Variants in SYT6 observed in about 807,000 individuals in gnomAD.
SYT6 encodes the protein synaptotagmin-6.
In SYT6, 24 loss-of-function variants were observed where a neutral mutation model predicts 38.4. That is an observed-to-expected ratio of 0.62 (90% CI 0.45 to 0.88). SYT6 has a LOEUF of 0.88. SYT6 is among the 40% of genes least tolerant of loss of function. The probability of loss-of-function intolerance (pLI) is 0.00; values close to 1 mark genes in which losing one functional copy is unlikely to be tolerated. For missense variants in SYT6, 611 were observed against 621.0 expected, an observed-to-expected ratio of 0.98 and a Z score of 0.17; for synonymous variants, 265 against 241.9, an observed-to-expected ratio of 1.10 and a Z score of -0.89.
At chr1:114,093,697 A>T in intron 7 of SYT6, 38 bp downstream of exon 7, 5 of 1,592,436 alleles carry the variant, frequency 3.1e-6, no homozygotes, top group Non-Finnish European at 4.3e-6. Flanking sequence ...AAAGGTAATA[A>T]GCAACCTAAC....
At chr1:114,152,784 C>G (rs1423756895) in intron 1 of SYT6, 1 of 152,208 alleles carries the variant, frequency 6.6e-6, no homozygotes, top group Non-Finnish European at 1.5e-5. Context: ...GCGAGCTCGA[C>G]TCAGCTCGGG....
chr1:114,124,412 C>T (rs538575560), intron 3 of SYT6, among the ~76,000 whole-genome samples: 4 of 152,036 alleles, frequency 2.6e-5, no homozygotes, highest in South Asian at 4.2e-4. Flanking sequence ...TAAAGAGGGA[C>T]GTGTGGTGGT....
intron 1 of SYT6, among the ~76,000 whole-genome samples, chr1:114,141,031 C>A (rs1678838900): frequency 6.6e-6 from 1 of 152,296 alleles, no homozygotes; most frequent in East Asian, 1.9e-4. Flanking sequence ...CCATTCCTCT[C>A]CTTAGGCCTC....
At chr1:114,149,512 G>A (rs978909431) in intron 1 of SYT6, among the ~76,000 whole-genome samples, 5 of 152,028 alleles carry the variant, frequency 3.3e-5, no homozygotes, top group East Asian at 3.9e-4. Context: ...AGCTAATTAC[G>A]GCCGCACCAA....
rs1675276843 is a variant in SYT6 at position 114,091,064 on chromosome 1, G to A, written c.*1070C>T. On this transcript the variant is annotated 3_prime_UTR_variant, in exon 8 of 8. Transcript: ENST00000610222. ...GAAAGATGGACTCAAACTGCTATTT[G>A]GATTTCAAAACTCCCCATTTGGAAA... The A allele has an allele frequency of 6.5e-6, 1 of 152,882 alleles. No homozygotes were observed. Among genetic ancestry groups the A allele is most frequent in the Non-Finnish European group, 1.5e-5 (1 of 67,998 alleles). The allele number at this position is 152,882 out of a possible 1,614,324, so 9.5% of individuals were successfully genotyped here.
chr1:114,102,431 T>C (rs921587371), intron 4 of SYT6, among the ~76,000 whole-genome samples: 3 of 152,144 alleles, frequency 2.0e-5, no homozygotes, highest in African/African-American at 7.2e-5. Context: ...CAAGGCCTGA[T>C]ACCTCCTCTT....
chr1:114,124,528 G>T (rs142600421), intron 3 of SYT6, among the ~76,000 whole-genome samples: 32 of 152,270 alleles, frequency 2.1e-4, no homozygotes, highest in African/African-American at 7.7e-4. Flanking sequence ...AGTCTGCTGT[G>T]CCACTGGGAA....
At chr1:114,134,029 A>T (rs1678332780) in intron 3 of SYT6, among the ~76,000 whole-genome samples, 2 of 152,028 alleles carry the variant, frequency 1.3e-5, no homozygotes, top group Admixed American at 1.3e-4. Flanking sequence ...GCCGAATCCG[A>T]CTCTCCTGCA....
At chr1:114,115,061 T>C (rs1676916284) in intron 3 of SYT6, among the ~76,000 whole-genome samples, 1 of 152,258 alleles carries the variant, frequency 6.6e-6, no homozygotes, top group Non-Finnish European at 1.5e-5. Context: ...CAAAGATATC[T>C]GACACCACTC....
intron 3 of SYT6, among the ~76,000 whole-genome samples, chr1:114,106,470 C>G (rs1315083670): frequency 6.6e-6 from 1 of 152,058 alleles, no homozygotes; most frequent in African/African-American, 2.4e-5. Flanking sequence ...TATATCCTTG[C>G]CACTGCTCAA....
intron 3 of SYT6, among the ~76,000 whole-genome samples, chr1:114,118,601 G>T (rs1024104579): frequency 6.6e-6 from 1 of 152,224 alleles, no homozygotes; most frequent in African/African-American, 2.4e-5. Context: ...CAGGCCCTCC[G>T]GCGGGGTGTC....
intron 4 of SYT6, among the ~76,000 whole-genome samples, chr1:114,100,663 C>T (rs1571821855): frequency 6.6e-6 from 1 of 152,320 alleles, no homozygotes. Context: ...TGAAAGGACC[C>T]TCTCTTAGGG....
At chr1:114,129,873 G>A (rs1405875549) in intron 3 of SYT6, among the ~76,000 whole-genome samples, 2 of 147,914 alleles carry the variant, frequency 1.4e-5, no homozygotes, top group Non-Finnish European at 3.0e-5. Context: ...TTGTAGAGAC[G>A]AGGTCTCCTT....
At chr1:114,120,751 T>C (rs1340320951) in intron 3 of SYT6, among the ~76,000 whole-genome samples, 2 of 152,202 alleles carry the variant, frequency 1.3e-5, no homozygotes, top group Non-Finnish European at 2.9e-5. Context: ...CAGTGGTATA[T>C]AAAGGCAAGG....
At chr1:114,092,334 C>CTGTG (rs1234407547) in intron 7 of SYT6, among the ~76,000 whole-genome samples, 9 of 138,398 alleles carry the variant, frequency 6.5e-5, no homozygotes, top group Admixed American at 3.3e-4. Flanking sequence ...CTCTCTCTCT[C>CTGTG]TCTCTGTGTG....
At chr1:114,150,923 A>G (rs991674743) in intron 1 of SYT6, among the ~76,000 whole-genome samples, 11 of 152,236 alleles carry the variant, frequency 7.2e-5, no homozygotes, top group African/African-American at 2.7e-4. Context: ...ATGACAGTGG[A>G]GTCTGAATCT....
intron 7 of SYT6, among the ~76,000 whole-genome samples, chr1:114,093,434 C>T (rs771325776): frequency 3.9e-4 from 60 of 152,168 alleles, no homozygotes; most frequent in South Asian, 4.1e-4. Flanking sequence ...AATCAGGTAC[C>T]GATGACCACC....
At chr1:114,112,665 C>T (rs531621974) in intron 3 of SYT6, among the ~76,000 whole-genome samples, 32 of 152,350 alleles carry the variant, frequency 2.1e-4, no homozygotes, top group Non-Finnish European at 3.8e-4. Flanking sequence ...GTGCTTGTGC[C>T]TGAGAGCCCA....
intron 3 of SYT6, among the ~76,000 whole-genome samples, chr1:114,125,870 G>A (rs1677696966): frequency 6.6e-6 from 1 of 152,042 alleles, no homozygotes; most frequent in African/African-American, 2.4e-5. Flanking sequence ...GCCTATTTCT[G>A]GTCTTAGATC....
Sources: allele counts gnomAD v4.1 joint callset (sites outside exome capture counted in the v4.1 genomes callset), GRCh38; gene constraint gnomAD v4.1.1; transcripts MANE v1.5; gene names NCBI Gene and HGNC (gene_info 2026-07-23, HGNC 2026-07-21).